GARRE1: variants seen among roughly 807,000 people sequenced by gnomAD.
GARRE1 encodes granule associated Rac and RHOG effector protein 1.
GARRE1 carries 49 observed loss-of-function variants against 103.2 expected under a neutral mutation model. That is an observed-to-expected ratio of 0.47 (90% CI 0.38 to 0.60). The LOEUF is 0.60. GARRE1 is among the 20% of genes least tolerant of loss of function. The pLI is 0.00. For missense variants in GARRE1, 1,199 were observed against 1,370.5 expected, an observed-to-expected ratio of 0.87 and a Z score of 1.98; for synonymous variants, 505 against 532.8, an observed-to-expected ratio of 0.95 and a Z score of 0.72.
At chr19:34,317,382 TGA>T (rs1181440787) in intron 2 of GARRE1, among the ~76,000 whole-genome samples, 1 of 152,214 alleles carries the variant, frequency 6.6e-6, no homozygotes, top group African/African-American at 2.4e-5. Context: ...ATCAGAGCTG[TGA>T]GAGTGTGAAC....
At chr19:34,270,023 T>C (rs549499758) in intron 1 of GARRE1, among the ~76,000 whole-genome samples, 8 of 152,332 alleles carry the variant, frequency 5.3e-5, no homozygotes, top group Admixed American at 6.5e-5. Flanking sequence ...CATGCCCGCC[T>C]TTCTCTTCTG....
At position 34,284,352 on chromosome 19, in the gene GARRE1, T is replaced by C. The variant is rs796728678; in HGVS notation, c.-795-15327T>C. ...GTTGGCCAGACTGGTCTCAAACTCC[T>C]GGCCTCAAGTGATCTGCCCGTCTCA... On this transcript the variant is annotated intron_variant, in intron 1 of 13. Coordinates refer to ENST00000299505, the MANE Select transcript of GARRE1 (RefSeq NM_014686.5). Among the ~76,000 whole-genome samples the C allele has an allele frequency of 2.0e-4, 30 of 152,130 alleles. 1 individual carries two copies. The highest frequency in any genetic ancestry group is 5.8e-4 in the African/African-American group (24 of 41,514).
intron 7 of GARRE1, among the ~76,000 whole-genome samples, chr19:34,330,959 G>A (rs2074135199): frequency 6.6e-6 from 1 of 150,816 alleles, no homozygotes; most frequent in Non-Finnish European, 1.5e-5. Flanking sequence ...GAGTGCAGTG[G>A]CGTGATCTCA....
intron 2 of GARRE1, among the ~76,000 whole-genome samples, chr19:34,308,511 T>C (rs575288109): frequency 2.0e-5 from 3 of 152,358 alleles, no homozygotes; most frequent in South Asian, 4.1e-4. Flanking sequence ...CTTCAGACTT[T>C]AGCCTGTAGA....
rs1030698824 is a variant in GARRE1, at chr19:34,300,111, CGTTAA to C, written c.-358_-354del. The C allele has an allele frequency of 4.1e-5, 8 of 194,484 alleles. No homozygotes were observed. The highest frequency in any genetic ancestry group is 2.8e-4 in the Admixed American group (5 of 18,122). 12.0% of individuals were successfully genotyped at this position (194,484 alleles called of 1,614,324 possible). ...TATTACATTATATTACATTTTTAAA[CGTTAA>C]GTTATTTTTCTGCCATTGTAAATAC... is the stretch of plus-strand genomic sequence containing the variant. On this transcript the variant is annotated 5_prime_UTR_variant, in exon 2 of 14. Transcript: ENST00000299505.
chr19:34,258,026 A>G (rs1013686089), intron 1 of GARRE1, among the ~76,000 whole-genome samples: 8 of 150,964 alleles, frequency 5.3e-5, no homozygotes, highest in African/African-American at 2.0e-4. Context: ...AGTAGCTGGG[A>G]TTACAGGTCT....
At chr19:34,262,925 A>G (rs997927406) in intron 1 of GARRE1, among the ~76,000 whole-genome samples, 3 of 152,114 alleles carry the variant, frequency 2.0e-5, no homozygotes, top group African/African-American at 7.2e-5. Flanking sequence ...TTAAAAAAAT[A>G]TATATAGGCC....
chr19:34,344,959 C>T (rs1358576203), intron 10 of GARRE1, among the ~76,000 whole-genome samples: 4 of 152,280 alleles, frequency 2.6e-5, no homozygotes, highest in East Asian at 3.9e-4. Context: ...CTGCCTCAGC[C>T]TCCTGAGTAG....
intron 2 of GARRE1, among the ~76,000 whole-genome samples, chr19:34,301,533 A>G (rs1262528295): frequency 7.6e-4 from 101 of 132,060 alleles, no homozygotes; most frequent in Middle Eastern, 4.1e-3. Flanking sequence ...AAAAAAAAAA[A>G]AAAAAGAAAA....
intron 1 of GARRE1, among the ~76,000 whole-genome samples, chr19:34,279,784 G>A (rs1468349202): frequency 6.6e-6 from 1 of 151,782 alleles, no homozygotes; most frequent in African/African-American, 2.4e-5. Context: ...AGGAGATTGA[G>A]ACCATCCCGG....
At chr19:34,265,329 G>A (rs2073745292) in intron 1 of GARRE1, among the ~76,000 whole-genome samples, 1 of 152,224 alleles carries the variant, frequency 6.6e-6, no homozygotes, top group Non-Finnish European at 1.5e-5. Flanking sequence ...AGAGGCGGAA[G>A]TGGTTCCTCT....
chr19:34,256,733 A>T (rs1320844136), intron 1 of GARRE1, among the ~76,000 whole-genome samples: 1 of 152,174 alleles, frequency 6.6e-6, no homozygotes, highest in African/African-American at 2.4e-5. Context: ...AGGGCTACTT[A>T]CAAAGTTCAT....
chr19:34,277,856 A>G (rs1161936303), intron 1 of GARRE1, among the ~76,000 whole-genome samples: 2 of 151,904 alleles, frequency 1.3e-5, no homozygotes, highest in Admixed American at 6.6e-5. Context: ...GAGTATTCAA[A>G]AAAAAACTAT....
rs535718588 is a variant in GARRE1 at position 34,285,491 on chromosome 19, C to T, written c.-795-14188C>T. ...TACAAAAATTAATCAGGCGTGGTAT[C>T]GGGCACCTGTAATGCCAGCTACTCA... On this transcript the variant is annotated intron_variant, in intron 1 of 13. Transcript: ENST00000299505. Among the ~76,000 whole-genome samples, 31 of 152,072 alleles carry T rather than the reference C, an allele frequency of 2.0e-4. 1 individual carries two copies. Among genetic ancestry groups the T allele is most frequent in the Admixed American group, 7.9e-4 (12 of 15,276 alleles).
intron 10 of GARRE1, among the ~76,000 whole-genome samples, chr19:34,344,452 G>T (rs868826754): frequency 1.3e-5 from 2 of 151,298 alleles, no homozygotes; most frequent in South Asian, 2.1e-4. Flanking sequence ...TTAGCCGGGC[G>T]TAGTGGCGGG....
chr19:34,330,082 TA>T (rs1231221684), intron 6 of GARRE1, 106 bp from the exon 7 acceptor site: 2 of 1,007,186 alleles, frequency 2.0e-6, no homozygotes, highest in Non-Finnish European at 2.9e-6. Flanking sequence ...AATACATAAA[TA>T]AAATGCTCTT....
chr19:34,286,753 G>A (rs1055343250), intron 1 of GARRE1, among the ~76,000 whole-genome samples: 5 of 151,764 alleles, frequency 3.3e-5, no homozygotes, highest in Non-Finnish European at 5.9e-5. Flanking sequence ...CGCCCGCCTC[G>A]GCCTCCCAAA....
At position 34,342,502 on chromosome 19, in the gene GARRE1, A is replaced by G. The variant is rs367664239; in HGVS notation, c.2521+47A>G. ...TCGCCCAGTGTCAACAGCAAATGCA[A>G]CTGCCGAGGTCTTCCCAGGGCCTGT... On this transcript the variant is annotated intron_variant, in intron 10 of 13. Coordinates refer to ENST00000299505, the MANE Select transcript of GARRE1 (RefSeq NM_014686.5). 26 of 1,527,340 alleles carry G rather than the reference A, an allele frequency of 1.7e-5. No individual in the cohort carries two copies. The African/African-American group carries it at 1.9e-4, about 11-fold the overall frequency. The allele number at this position is 1,527,340 out of a possible 1,614,324, so 94.6% of individuals were successfully genotyped here.
intron 1 of GARRE1, among the ~76,000 whole-genome samples, chr19:34,270,715 G>A (rs778229780): frequency 2.2e-4 from 34 of 152,144 alleles, no homozygotes; most frequent in Non-Finnish European, 4.0e-4. Context: ...TTATGGACCC[G>A]TTATAGCTTA....
Sources: gnomAD v4.1 joint callset for allele counts (sites outside exome capture counted in the v4.1 genomes callset) on GRCh38, gnomAD v4.1.1 for gene constraint, MANE v1.5 for transcripts, NCBI Gene and HGNC (gene_info 2026-07-23, HGNC 2026-07-21) for gene names.